ICE1: variants seen among roughly 807,000 people sequenced by gnomAD.
ICE1 encodes interactor of little elongation complex ELL subunit 1, also known as little elongation complex subunit 1.
A neutral mutation model predicts 192.7 loss-of-function variants in ICE1; 64 were observed. The observed-to-expected ratio is 0.33, with a 90% CI of 0.27 to 0.41. ICE1 has a LOEUF of 0.41. Among genes scored for constraint, ICE1 ranks in the 10% least tolerant of loss-of-function variants. ICE1 has a pLI of 1.00. For synonymous variants in ICE1, 1,010 were observed against 984.5 expected (o/e 1.03, Z -0.49); for missense variants, 2,708 against 2,696.0 (o/e 1.00, Z -0.10).
intron 17 of ICE1, among the ~76,000 whole-genome samples, chr5:5,479,027 C>A (rs1376918096): frequency 6.6e-6 from 1 of 152,198 alleles, no homozygotes; most frequent in African/African-American, 2.4e-5. Flanking sequence ...CCATTCAGGA[C>A]ATAGGCATGG....
Position 5,425,692 on chromosome 5 carries a change from AT to A in ICE1, c.84+2694del, listed in dbSNP as rs750585850. On this transcript the variant is annotated intron_variant, in intron 1 of 18. Transcript: ENST00000296564. ...TCTTGTACTTATTTCTGTCAGTGTT[AT>A]GGGATGGTGAAGGTTTTTGCATAGT... is the stretch of plus-strand genomic sequence containing the variant. Among the ~76,000 whole-genome samples, 140 of 152,288 alleles carry A rather than the reference AT, an allele frequency of 9.2e-4. 2 individuals are homozygous for A. The highest frequency in any genetic ancestry group is 1.2e-3 in the South Asian group (6 of 4,828).
At position 5,460,702 on chromosome 5, in the gene ICE1, C is replaced by G; in HGVS notation, c.1368C>G (p.His456Gln). ...TATLRESSAT[H>Q]SLVGEKHWTT... is the part of the protein sequence containing the mutation. Reference sequence around the variant, plus strand: ...CACTGAGAGAATCTTCTGCCACACACTCCTTAGTTGGTGAAAAACACTGGA... The same window carrying G: ...CACTGAGAGAATCTTCTGCCACACAGTCCTTAGTTGGTGAAAAACACTGGA... Residue 456 changes from histidine to glutamine, a missense_variant, in exon 13 of 19, where the codon CAC (histidine) becomes CAG (glutamine). By Grantham distance (24) the His-to-Gln change is conservative. Around this residue, in one of 2 missense-constraint regions of ICE1, gnomAD observed 2,366 missense variants for 2,276.6 expected, o/e 1.04. Coordinates refer to ENST00000296564, the MANE Select transcript of ICE1 (RefSeq NM_015325.3). 1 of 1,613,976 alleles carries G rather than the reference C, an allele frequency of 6.2e-7. No homozygotes were observed.
intron 15 of ICE1, among the ~76,000 whole-genome samples, chr5:5,469,335 T>C (rs1739087000): frequency 6.6e-6 from 1 of 152,226 alleles, no homozygotes; most frequent in Admixed American, 6.5e-5. Context: ...ATATATATAT[T>C]TCAGTTTTTT....
chr5:5,459,789 C>G (rs572710642), intron 12 of ICE1, among the ~76,000 whole-genome samples: 1 of 152,270 alleles, frequency 6.6e-6, no homozygotes, highest in African/African-American at 2.4e-5. Context: ...GCCACATGCT[C>G]TAGGCAGTTA....
chr5:5,465,916 T>G (rs1738971469), intron 13 of ICE1, among the ~76,000 whole-genome samples: 1 of 152,200 alleles, frequency 6.6e-6, no homozygotes, highest in African/African-American at 2.4e-5. Flanking sequence ...TATTTTAAAT[T>G]TAAACAGTAT....
At chr5:5,458,414 G>A (rs1738649669) in intron 12 of ICE1, among the ~76,000 whole-genome samples, 1 of 152,158 alleles carries the variant, frequency 6.6e-6, no homozygotes, top group Admixed American at 6.5e-5. Context: ...GAGCAGTAAA[G>A]GAGCAAACAG....
chr5:5,429,700 A>C lies in ICE1; in HGVS notation c.84+6701A>C, dbSNP rs192947786. 2.6e-3 allele frequency among the ~76,000 whole-genome samples: 396 copies of C among 152,282 alleles called. 1 individual carries two copies. Among genetic ancestry groups the C allele is most frequent in the Non-Finnish European group, 4.8e-3 (326 of 68,030 alleles). The stretch of plus-strand genomic sequence containing the variant: ...GGCTACACTGGCCATGTCTTCTGTC[A>C]TGTCCTCTCAGCTGGTATGCCTGCT... On this transcript the variant is annotated intron_variant, in intron 1 of 18. Coordinates refer to ENST00000296564, the MANE Select transcript of ICE1 (RefSeq NM_015325.3).
intron 8 of ICE1, 85 bp from the exon 9 acceptor site, chr5:5,447,636 G>A: frequency 1.4e-6 from 2 of 1,400,360 alleles, no homozygotes; most frequent in South Asian, 1.3e-5. Context: ...CCAGCTGCCT[G>A]TTAAGTTGCA....
Position 5,464,702 on chromosome 5 carries a change from GC to G in ICE1, c.5370del (p.Ser1791ValfsTer3). ...PADCKNLPGP[A>X]SAMIGFKTIT... ...TGACTGTAAGAATTTACCGGGACCT[GC>G]CAGTGCTATGATAGGATTCAAAACG... On this transcript the variant is annotated frameshift_variant, in exon 13 of 19. Coordinates refer to ENST00000296564, the MANE Select transcript of ICE1 (RefSeq NM_015325.3). LOFTEE classifies it high-confidence loss of function. This position sits in a 1 kb window ranked among gnomAD's most constrained non-coding sequence, Gnocchi z 4.0. The G allele has an allele frequency of 6.2e-7, 1 of 1,613,902 alleles. No individual in the cohort carries two copies. The highest frequency in any genetic ancestry group is 8.5e-7 in the Non-Finnish European group (1 of 1,179,860).
At position 5,461,430 on chromosome 5, in the gene ICE1, TG is replaced by T. The variant is rs770017208; in HGVS notation, c.2098del (p.Glu700ArgfsTer7). On this transcript the variant is annotated frameshift_variant, in exon 13 of 19. Transcript: ENST00000296564. LOFTEE classifies it high-confidence loss of function. Reference sequence around the variant, plus strand: ...GAGTGTTCTATAGGAGGAAACAACTTGGAGAATAGCTTGTGTGCCTTGAGCC... The same window carrying T: ...GAGTGTTCTATAGGAGGAAACAACTTGAGAATAGCTTGTGTGCCTTGAGCC... ...PPECSIGGNN[L>X]ENSLCALSPE... The T allele has an allele frequency of 6.2e-7, 1 of 1,614,010 alleles. No homozygotes were observed. Among genetic ancestry groups the T allele is most frequent in the Admixed American group, 1.7e-5 (1 of 60,022 alleles).
At chr5:5,441,474 A>G (rs1409210303) in intron 5 of ICE1, among the ~76,000 whole-genome samples, 1 of 152,234 alleles carries the variant, frequency 6.6e-6, no homozygotes, top group Non-Finnish European at 1.5e-5. Flanking sequence ...AATGCTTCTC[A>G]CTATGAATTT....
chr5:5,450,655 A>G (rs1006834261), intron 10 of ICE1, among the ~76,000 whole-genome samples: 4 of 152,194 alleles, frequency 2.6e-5, no homozygotes, highest in African/African-American at 9.7e-5. Context: ...ATCAAATGAA[A>G]CAGACTGAAT....
chr5:5,464,462 G>C lies in ICE1; in HGVS notation c.5128G>C (p.Val1710Leu). The change falls in exon 13 of 19, where the codon GTG becomes CTG. Residue 1710 changes from valine to leucine, a missense_variant. By Grantham distance (32) the Val-to-Leu change is conservative. This residue lies in a region of ICE1 where 2,366 missense variants were observed against 2,276.6 expected (regional missense o/e 1.04). Coordinates refer to ENST00000296564, the MANE Select transcript of ICE1 (RefSeq NM_015325.3). This position sits in a 1 kb window ranked among gnomAD's most constrained non-coding sequence, Gnocchi z 4.0. ...PSAASASERV[V>L]PSPLQFCAAT... is the part of the protein sequence containing the mutation. ...TGCAGCTTCAGCCAGTGAGAGGGTAGTGCCGTCTCCTCTGCAGTTCTGTGC... is the reference window on the plus strand; with the variant it reads ...TGCAGCTTCAGCCAGTGAGAGGGTACTGCCGTCTCCTCTGCAGTTCTGTGC... 6.2e-7 allele frequency: 1 copy of C among 1,613,894 alleles called. No individual in the cohort carries two copies. The highest frequency in any genetic ancestry group is 8.5e-7 in the Non-Finnish European group (1 of 1,179,868).
intron 17 of ICE1, among the ~76,000 whole-genome samples, chr5:5,482,775 A>ACACAC (rs1554017071): frequency 7.4e-6 from 1 of 135,998 alleles, no homozygotes; most frequent in Non-Finnish European, 1.6e-5. Flanking sequence ...CCCACCCCCC[A>ACACAC]ACACACACAC....
chr5:5,451,234 CAA>C (rs1738406203), intron 10 of ICE1, among the ~76,000 whole-genome samples: 1 of 151,996 alleles, frequency 6.6e-6, no homozygotes, highest in African/African-American at 2.4e-5. Flanking sequence ...AACAGTAGGG[CAA>C]TATTTATTAA....
chr5:5,424,458 A>T (rs574112138), intron 1 of ICE1, among the ~76,000 whole-genome samples: 18 of 152,166 alleles, frequency 1.2e-4, no homozygotes, highest in Admixed American at 7.2e-4. Flanking sequence ...ATTCGAGCCA[A>T]TTCACTCAAC....
chr5:5,450,509 T>G (rs1329139066), intron 10 of ICE1, among the ~76,000 whole-genome samples: 3 of 152,234 alleles, frequency 2.0e-5, no homozygotes, highest in African/African-American at 7.2e-5. Context: ...GAGAAGGTGA[T>G]CAAGACATGA....
At chr5:5,442,449 C>T (rs148689330) in intron 5 of ICE1, among the ~76,000 whole-genome samples, 1 of 152,312 alleles carries the variant, frequency 6.6e-6, no homozygotes, top group East Asian at 1.9e-4. Flanking sequence ...GAAACAATCA[C>T]AGTGTTCAAT....
chr5:5,482,277 A>G (rs1204263528), intron 17 of ICE1, among the ~76,000 whole-genome samples: 1 of 152,242 alleles, frequency 6.6e-6, no homozygotes, highest in Non-Finnish European at 1.5e-5. Context: ...AGAGTAATAT[A>G]TGCATACTTA....
Sources: gnomAD v4.1 joint callset for allele counts (sites outside exome capture counted in the v4.1 genomes callset) on GRCh38, gnomAD v4.1.1 for gene constraint, gnomAD v4.1.1 regional missense constraint, Gnocchi (gnomAD v3.1) non-coding constraint, MANE v1.5 for transcripts, NCBI Gene and HGNC (gene_info 2026-07-23, HGNC 2026-07-21) for gene names.